The following RGPD4 variants were observed in gnomAD, a reference collection of about 807,000 sequenced individuals.
RGPD4 encodes RANBP2 like and GRIP domain containing 4.
RGPD4 carries 84 observed loss-of-function variants against 141.1 expected under a neutral mutation model. That is an observed-to-expected ratio of 0.60 (90% confidence interval 0.50 to 0.71). RGPD4 has a LOEUF of 0.71. RGPD4 is among the 30% of genes least tolerant of loss of function. The pLI is 0.00. For missense variants in RGPD4, 918 were observed against 1,622.4 expected, an observed-to-expected ratio of 0.57 and a Z score of 7.46; for synonymous variants, 298 against 566.8, an observed-to-expected ratio of 0.53 and a Z score of 6.74.
chr2:107,889,135 A>T (rs545811835), intron 22 of RGPD4, among the ~76,000 whole-genome samples: 1 of 150,310 alleles, frequency 6.7e-6, no homozygotes, highest in Non-Finnish European at 1.5e-5. Context: ...ACGTATGAAA[A>T]CACAGAATGG....
chr2:107,888,833 A>G (rs1558825450), intron 22 of RGPD4, among the ~76,000 whole-genome samples: 1 of 143,130 alleles, frequency 7.0e-6, no homozygotes, highest in Non-Finnish European at 1.5e-5. Flanking sequence ...TTGGAAGTAG[A>G]TTCTCCAGTC....
intron 22 of RGPD4, among the ~76,000 whole-genome samples, chr2:107,887,214 C>T (rs1675538902): frequency 6.6e-6 from 1 of 151,738 alleles, no homozygotes; most frequent in Admixed American, 6.6e-5. Context: ...CCTGGTCACG[C>T]CACTGCATTT....
At position 107,871,945 on chromosome 2, in the gene RGPD4, C is replaced by G; in HGVS notation, c.3941C>G (p.Thr1314Ser). ...CCTGCCAAGTTGAATCAGAGTGGGA[C>G]TTCAGTTGGCACTGATGAAGAATCT... is the stretch of plus-strand genomic sequence containing the variant. ...KSPAKLNQSG[T>S]SVGTDEESDV... Residue 1314 changes from threonine (T) to serine (S), a missense_variant, in exon 20 of 23, where the codon ACT (threonine) becomes AGT (serine). Physicochemically the swap from Thr to Ser is moderately conservative, Grantham distance 58. Transcript: ENST00000408999. The G allele has an allele frequency of 1.9e-6, 3 of 1,611,486 alleles. No individual in the cohort carries two copies. Among genetic ancestry groups the G allele is most frequent in the Non-Finnish European group, 2.5e-6 (3 of 1,179,836 alleles).
intron 20 of RGPD4, among the ~76,000 whole-genome samples, chr2:107,873,588 A>G (rs1212361268): frequency 4.0e-5 from 6 of 149,596 alleles, no homozygotes; most frequent in Non-Finnish European, 7.4e-5. Context: ...AAAAAAAAAA[A>G]AAAAAAAAAA....
intron 6 of RGPD4, among the ~76,000 whole-genome samples, chr2:107,845,039 T>A (rs1358926808): frequency 2.8e-5 from 4 of 143,676 alleles, no homozygotes; most frequent in Middle Eastern, 3.5e-3. Flanking sequence ...TTCAGGATGG[T>A]CTCAATCTCT....
intron 20 of RGPD4, among the ~76,000 whole-genome samples, chr2:107,878,317 G>A (rs1248278157): frequency 2.0e-5 from 3 of 151,116 alleles, no homozygotes; most frequent in African/African-American, 7.3e-5. Flanking sequence ...AACAATCTTT[G>A]AAGAACCTTC....
At chr2:107,847,302 A>C (rs1189296949) in intron 6 of RGPD4, among the ~76,000 whole-genome samples, 17 of 137,796 alleles carry the variant, frequency 1.2e-4, no homozygotes, top group African/African-American at 4.5e-4. Context: ...GTAATATATA[A>C]ATTTTTTTGG....
chr2:107,858,397 C>CCTTTTCTTTT (rs76894491), intron 9 of RGPD4, among the ~76,000 whole-genome samples: 8,563 of 140,740 alleles, frequency 0.061, 116 homozygotes, highest in South Asian at 0.079. Flanking sequence ...AAGCACATAA[C>CCTTTTCTTTT]CTTTTCTTTT....
chr2:107,859,644 G>A lies in RGPD4; in HGVS notation c.1635-78G>A. The A allele has an allele frequency of 1.9e-6, 3 of 1,611,228 alleles. 1 individual carries two copies. The highest frequency in any genetic ancestry group is 3.3e-5 in the Admixed American group (2 of 59,960). On this transcript the variant is annotated intron_variant, in intron 11 of 22. Transcript: ENST00000408999. ...CATGTGAAGATTTAATTTGTCATGT[G>A]ACCCATTAACATATATGTATGTAAG...
chr2:107,877,606 C>G (rs1482662969), intron 20 of RGPD4, among the ~76,000 whole-genome samples: 5 of 151,302 alleles, frequency 3.3e-5, no homozygotes, highest in Non-Finnish European at 7.4e-5. Flanking sequence ...TCTGAAATAC[C>G]TAATCCTGAA....
intron 1 of RGPD4, among the ~76,000 whole-genome samples, chr2:107,829,769 T>C (rs1681405119): frequency 6.6e-6 from 1 of 151,974 alleles, no homozygotes; most frequent in African/African-American, 2.4e-5. Context: ...CCGACGGTGC[T>C]CGCTCCTGGG....
At chr2:107,827,900 G>A (rs1414886669) in intron 1 of RGPD4, among the ~76,000 whole-genome samples, 1 of 20,760 alleles carries the variant, frequency 4.8e-5, no homozygotes. Context: ...CTGGCCGGGC[G>A]GCGGCGGCCT....
chr2:107,859,879 A>G, intron 12 of RGPD4, 34 bp downstream of exon 12: 1 of 1,552,524 alleles, frequency 6.4e-7, no homozygotes, highest in South Asian at 1.2e-5. Context: ...TTAAAAGAAC[A>G]TTACCTTAAT....
chr2:107,890,576 A>AAC (rs1675628273), intron 22 of RGPD4, 145 bp from the exon 23 acceptor site: 62 of 89,852 alleles, frequency 6.9e-4, no homozygotes, highest in African/African-American at 1.2e-3. Flanking sequence ...AAAAAAAAGA[A>AAC]CCCCCCCCCC....
In RGPD4 at chr2:107,870,711, T is replaced by C. The variant is rs770853599; in HGVS notation, c.2707T>C (p.Ser903Pro). The C allele has an allele frequency of 1.6e-5, 26 of 1,607,020 alleles. No homozygotes were observed. Among genetic ancestry groups the C allele is most frequent in the Middle Eastern group, 2.3e-4 (1 of 4,412 alleles). The change falls in exon 20 of 23, where the codon TCT becomes CCT. Residue 903 changes from serine (S) to proline (P), a missense_variant. Ser to Pro is a moderately conservative substitution (Grantham distance 74). Transcript: ENST00000408999. ...ACCTTCATTTATGTTTCAGGGTTCT[T>C]CTAATACAGAATTTAAGTCAACCAA... ...AANVTPTKGS[S>P]NTEFKSTKEG...
chr2:107,865,045 GT>G (rs1682676432), intron 17 of RGPD4, among the ~76,000 whole-genome samples: 1 of 134,428 alleles, frequency 7.4e-6, no homozygotes, highest in Non-Finnish European at 1.6e-5. Context: ...CTGTCATTTA[GT>G]TTTCTTCAGC....
intron 6 of RGPD4, among the ~76,000 whole-genome samples, chr2:107,846,741 T>G (rs1184392619): frequency 1.3e-5 from 2 of 151,424 alleles, no homozygotes; most frequent in Non-Finnish European, 2.9e-5. Flanking sequence ...GTGCTGGAAT[T>G]ACATGTGTGA....
chr2:107,863,186 A>G (rs1185373349), intron 17 of RGPD4, among the ~76,000 whole-genome samples, 154 bp downstream of exon 17: 1 of 72,644 alleles, frequency 1.4e-5, no homozygotes, highest in Admixed American at 1.2e-4. Context: ...TTTTTTTTTA[A>G]GGCAGGGTCT....
intron 22 of RGPD4, among the ~76,000 whole-genome samples, chr2:107,884,384 G>A (rs956304070): frequency 6.6e-6 from 1 of 152,194 alleles, no homozygotes; most frequent in African/African-American, 2.4e-5. Context: ...ACAGGTGTGA[G>A]ACACCACGCC....
Sources: allele counts gnomAD v4.1 joint callset (sites outside exome capture counted in the v4.1 genomes callset), GRCh38; gene constraint gnomAD v4.1.1; transcripts MANE v1.5; gene names NCBI Gene and HGNC (gene_info 2026-07-23, HGNC 2026-07-21).